COG7: variants seen among roughly 807,000 people sequenced by gnomAD.
COG7 encodes conserved oligomeric Golgi complex subunit 7.
A neutral mutation model predicts 91.5 loss-of-function variants in COG7; 49 were observed. The ratio of observed to expected loss-of-function variants is 0.54; its 90% CI spans 0.43 to 0.68. The LOEUF (loss-of-function observed/expected upper bound fraction) is 0.68, where lower values mean the gene tolerates loss of function less well. COG7 is among the 30% of genes least tolerant of loss of function. COG7 has a pLI of 0.00. For synonymous variants in COG7, 365 were observed against 388.7 expected, an observed-to-expected ratio of 0.94 and a Z score of 0.72; for missense variants, 895 against 961.3, an observed-to-expected ratio of 0.93 and a Z score of 0.91.
intron 12 of COG7, among the ~76,000 whole-genome samples, chr16:23,404,899 GAC>G (rs1596916918): frequency 6.6e-6 from 1 of 152,174 alleles, no homozygotes; most frequent in Non-Finnish European, 1.5e-5. Flanking sequence ...CAGCCTAGGC[GAC>G]AGAGTGAGAC....
In COG7 at chr16:23,445,945, A is replaced by G. The variant is rs2142096388; in HGVS notation, c.186T>C (p.Ala62=). ...NHAVEETSHQ[A]LQNMPKVLRD... is the part of the protein sequence containing the mutation. ...GGAGCACTTTGGGCATGTTCTGGAG[A>G]GCTTGGTGACTTGTTTCTGTAGTTA... The change falls in exon 2 of 17, where the codon GCT becomes GCC. Residue 62 remains alanine, a synonymous_variant. Transcript: ENST00000307149. 17 of 1,591,468 alleles carry G rather than the reference A, an allele frequency of 1.1e-5. No homozygotes were observed. Among genetic ancestry groups the G allele is most frequent in the Non-Finnish European group, 1.5e-5 (17 of 1,162,950 alleles).
intron 12 of COG7, among the ~76,000 whole-genome samples, chr16:23,404,195 CAA>C (rs923816738): frequency 3.9e-5 from 6 of 152,178 alleles, no homozygotes; most frequent in Admixed American, 1.3e-4. Context: ...AGGGGGGAAA[CAA>C]GATCAGAAGC....
intron 16 of COG7, among the ~76,000 whole-genome samples, chr16:23,391,302 A>G (rs575206953): frequency 6.6e-6 from 1 of 152,290 alleles, no homozygotes. Context: ...CACTCCACTC[A>G]CTAGTTCCAG....
chr16:23,397,001 C>T (rs1963295198), intron 14 of COG7, among the ~76,000 whole-genome samples: 1 of 152,148 alleles, frequency 6.6e-6, no homozygotes, highest in Admixed American at 6.5e-5. Flanking sequence ...CGTCGACCTC[C>T]TGGGCTCAAG....
chr16:23,396,977 A>G (rs537076343), intron 14 of COG7, among the ~76,000 whole-genome samples: 86 of 152,102 alleles, frequency 5.7e-4, no homozygotes, highest in Middle Eastern at 3.4e-3. Context: ...TGGTGCAATC[A>G]CAGCTCACTG....
rs1449788908 is a variant in COG7, at chr16:23,452,809, G to A, written c.169+17C>T. On this transcript the variant is annotated intron_variant, in intron 1 of 16. Transcript: ENST00000307149. Reference sequence around the variant, plus strand: ...GAGCAGGGGAGGGTCCCGCGGCCAGGGCCCCGAGCGGCTCACCCTCCACGG... The same window carrying A: ...GAGCAGGGGAGGGTCCCGCGGCCAGAGCCCCGAGCGGCTCACCCTCCACGG... 1 of 1,605,472 alleles carries A rather than the reference G, an allele frequency of 6.2e-7. No individual in the cohort carries two copies. The highest frequency in any genetic ancestry group is 1.1e-5 in the South Asian group (1 of 90,030).
intron 13 of COG7, 97 bp from the exon 14 acceptor site, chr16:23,398,226 G>C: frequency 3.1e-6 from 3 of 957,596 alleles, no homozygotes; most frequent in Non-Finnish European, 5.0e-6. Flanking sequence ...GCCTTCCCTG[G>C]AGGCACTGTC....
Position 23,433,465 on chromosome 16 carries a change from G to A in COG7, c.810+80C>T, listed in dbSNP as rs1218334792. 8.3e-6 allele frequency: 13 copies of A among 1,560,326 alleles called. No homozygotes were observed. In the East Asian group the frequency reaches 2.7e-4, roughly 32 times the overall value. On this transcript the variant is annotated intron_variant, in intron 6 of 16. Transcript: ENST00000307149. ...TCTTTGAGCTGTGCTCTGCAGTTGAGGGTGGCCACTCCCGAGGCAGTCACC... is the reference window on the plus strand; with the variant it reads ...TCTTTGAGCTGTGCTCTGCAGTTGAAGGTGGCCACTCCCGAGGCAGTCACC...
At chr16:23,433,880 C>T (rs947020940) in intron 5 of COG7, among the ~76,000 whole-genome samples, 1 of 151,986 alleles carries the variant, frequency 6.6e-6, no homozygotes, top group Admixed American at 6.6e-5. Flanking sequence ...TGTCACCCTG[C>T]GGATGTGATC....
chr16:23,409,002 T>C (rs558847296), intron 11 of COG7, among the ~76,000 whole-genome samples: 20 of 151,776 alleles, frequency 1.3e-4, no homozygotes, highest in Non-Finnish European at 1.9e-4. Flanking sequence ...CTGGAAGCAC[T>C]AAGCCTGGAA....
rs370814341 is a variant in COG7 at position 23,406,226 on chromosome 16, G to A, written c.1512C>T (p.Ser504=). The change falls in exon 12 of 17, where the codon TCC becomes TCT. Residue 504 remains serine, a synonymous_variant. Transcript: ENST00000307149. Reference sequence around the variant, plus strand: ...AACCAGCCAGGCTCCGGGGGCTGCAGGAATCAGATAGATACTTCCCAGCTG... The same window carrying A: ...AACCAGCCAGGCTCCGGGGGCTGCAAGAATCAGATAGATACTTCCCAGCTG... ...LSTAGKYLSD[S]CSPRSLAGFQ... 2 of 1,614,142 alleles carry A rather than the reference G, an allele frequency of 1.2e-6. No homozygotes were observed. The highest frequency in any genetic ancestry group is 1.3e-5 in the African/African-American group (1 of 75,030).
intron 11 of COG7, among the ~76,000 whole-genome samples, chr16:23,409,559 T>C (rs762377241): frequency 2.6e-5 from 4 of 152,206 alleles, no homozygotes; most frequent in Non-Finnish European, 5.9e-5. Context: ...GGTTAAGGGA[T>C]TGCTGCTGGT....
At chr16:23,415,154 A>C (rs1963632659) in intron 9 of COG7, 1 of 152,246 alleles carries the variant, frequency 6.6e-6, no homozygotes, top group East Asian at 1.9e-4. Flanking sequence ...AAGAGAGGTG[A>C]CAGCTTTCTA....
Position 23,424,761 on chromosome 16 carries a change from G to A in COG7, c.997C>T (p.Leu333Phe), listed in dbSNP as rs752375218. ...HFAKGLEMALLPHLHEHNLVK... is the reference protein window; with the variant it reads ...HFAKGLEMALFPHLHEHNLVK... ...AAGGAATGTTTACGTAGGTGGGGGAGCAGTGCCATCTCCAAGCCCTTGGCG... is the reference window on the plus strand; with the variant it reads ...AAGGAATGTTTACGTAGGTGGGGGAACAGTGCCATCTCCAAGCCCTTGGCG... The change falls in exon 7 of 17, where the codon CTC becomes TTC. Residue 333 changes from leucine to phenylalanine, a missense_variant. Physicochemically the swap from Leu to Phe is conservative, Grantham distance 22 (BLOSUM62 0). Transcript: ENST00000307149. 2.5e-6 allele frequency: 4 copies of A among 1,614,090 alleles called. No individual in the cohort carries two copies. In the African/African-American group the frequency reaches 5.3e-5, roughly 22 times the overall value.
At chr16:23,399,927 C>T (rs1963346888) in intron 13 of COG7, among the ~76,000 whole-genome samples, 1 of 152,108 alleles carries the variant, frequency 6.6e-6, no homozygotes, top group Non-Finnish European at 1.5e-5. Context: ...TATAAAACAA[C>T]TGGAAATTTG....
At position 23,423,210 on chromosome 16, in the gene COG7, T is replaced by TA. The variant is rs1379559285; in HGVS notation, c.1009+1538dup. On this transcript the variant is annotated intron_variant, in intron 7 of 16. Coordinates refer to ENST00000307149, the MANE Select transcript of COG7 (RefSeq NM_153603.4). ...GCGAAACCCCATCTCTACTAAAAAA[T>TA]ACAAAAATTAGCCTGGTGTGGTGGC... is the stretch of plus-strand genomic sequence containing the variant. Among the ~76,000 whole-genome samples the TA allele has an allele frequency of 3.3e-4, 49 of 149,478 alleles. 1 individual carries two copies. The highest frequency in any genetic ancestry group is 1.2e-3 in the African/African-American group (47 of 40,432).
chr16:23,405,053 T>C (rs1963437420), intron 12 of COG7, among the ~76,000 whole-genome samples: 1 of 152,166 alleles, frequency 6.6e-6, no homozygotes, highest in African/African-American at 2.4e-5. Context: ...ACGGTCTTCT[T>C]ATGACCCTGG....
At chr16:23,411,289 T>C (rs1963557235) in intron 10 of COG7, among the ~76,000 whole-genome samples, 1 of 152,222 alleles carries the variant, frequency 6.6e-6, no homozygotes, top group African/African-American at 2.4e-5. Context: ...AATCCAAGGA[T>C]TAAAAACATC....
At chr16:23,407,917 A>G (rs1407068136) in intron 11 of COG7, among the ~76,000 whole-genome samples, 1 of 151,278 alleles carries the variant, frequency 6.6e-6, no homozygotes. Flanking sequence ...TCCTCTGTGC[A>G]CACTGCGTTC....
Sources: allele counts gnomAD v4.1 joint callset (sites outside exome capture counted in the v4.1 genomes callset), GRCh38; gene constraint gnomAD v4.1.1; transcripts MANE v1.5; gene names NCBI Gene and HGNC (gene_info 2026-07-23, HGNC 2026-07-21).